GRM8: variants seen among roughly 807,000 people sequenced by gnomAD.
GRM8 encodes the protein metabotropic glutamate receptor 8.
In GRM8, 47 loss-of-function variants were observed where a neutral mutation model predicts 87.2. That is an observed-to-expected ratio of 0.54 (90% CI 0.43 to 0.69). The LOEUF (loss-of-function observed/expected upper bound fraction) is 0.69. Ranked by LOEUF, GRM8 falls within the 30% of genes least tolerant of loss-of-function variation. GRM8 has a pLI of 0.00. For synonymous variants in GRM8, 396 were observed against 404.5 expected, an observed-to-expected ratio of 0.98 and a Z score of 0.25; for missense variants, 1,019 against 1,139.2, an observed-to-expected ratio of 0.89 and a Z score of 1.52.
intron 3 of GRM8, among the ~76,000 whole-genome samples, chr7:126,947,819 A>C (rs1807709412): frequency 6.6e-6 from 1 of 152,190 alleles, no homozygotes; most frequent in South Asian, 2.1e-4. Context: ...AGCAAGCTGA[A>C]AAGTAGTTGC....
Position 126,866,580 on chromosome 7 carries a change from A to ATT in GRM8, c.1156+35960_1156+35961dup, listed in dbSNP as rs59013947. On this transcript the variant is annotated intron_variant, in intron 6 of 10. Transcript: ENST00000339582. ...CAAGTCTTGAATATACTTTGACTCA[A>ATT]TTTTTTTTTTTTTTTTTTTTTTTTT... is the stretch of plus-strand genomic sequence containing the variant. Among the ~76,000 whole-genome samples, 148 of 68,036 alleles carry ATT rather than the reference A, an allele frequency of 2.2e-3. 10 individuals are homozygous for ATT. The highest frequency in any genetic ancestry group is 6.0e-3 in the African/African-American group (92 of 15,378). The allele number at this position is 68,036 out of a possible 152,430, so 44.6% of individuals were successfully genotyped here. A position where few individuals can be genotyped will look rare whatever the true frequency, so the allele number is the denominator to read the frequency against.
At chr7:126,960,608 A>G (rs552979580) in intron 3 of GRM8, among the ~76,000 whole-genome samples, 6 of 152,342 alleles carry the variant, frequency 3.9e-5, no homozygotes, top group Non-Finnish European at 8.8e-5. Context: ...TTGGGCAGAC[A>G]TAAGAAAATA....
At chr7:127,121,011 G>GT (rs1368580725) in intron 2 of GRM8, among the ~76,000 whole-genome samples, 1 of 152,098 alleles carries the variant, frequency 6.6e-6, no homozygotes, top group Non-Finnish European at 1.5e-5. Context: ...TAACAGATGA[G>GT]TTTTTGAAAA....
intron 2 of GRM8, among the ~76,000 whole-genome samples, chr7:127,177,938 G>A (rs969790830): frequency 5.9e-5 from 9 of 152,158 alleles, no homozygotes; most frequent in Middle Eastern, 6.8e-3. Context: ...ACAATACAAC[G>A]CTCTTCAACA....
intron 3 of GRM8, among the ~76,000 whole-genome samples, chr7:127,100,013 T>C (rs935585160): frequency 6.6e-6 from 1 of 152,106 alleles, no homozygotes; most frequent in African/African-American, 2.4e-5. Context: ...ACTGGAGTGA[T>C]GCATCTACAA....
At chr7:126,898,647 A>G (rs1454149529) in intron 6 of GRM8, among the ~76,000 whole-genome samples, 5 of 152,260 alleles carry the variant, frequency 3.3e-5, no homozygotes, top group Non-Finnish European at 4.4e-5. Context: ...GACATGCCAC[A>G]GAATCTGGAT....
At chr7:126,456,537 A>AAAAAAAAAAAAAAAAAAAAAT (rs1803260341) in intron 9 of GRM8, among the ~76,000 whole-genome samples, 1 of 123,380 alleles carries the variant, frequency 8.1e-6, no homozygotes, top group Non-Finnish European at 1.9e-5. Context: ...AAAAAAAAAA[A>AAAAAAAAAAAAAAAAAAAAAT]AAAAAAAAAT....
At chr7:127,057,923 G>A (rs1174418672) in intron 3 of GRM8, among the ~76,000 whole-genome samples, 3 of 152,086 alleles carry the variant, frequency 2.0e-5, no homozygotes, top group African/African-American at 7.2e-5. Flanking sequence ...TTTCTAGAAG[G>A]AGCCATATAC....
At chr7:126,648,437 G>C (rs1334417923) in intron 7 of GRM8, among the ~76,000 whole-genome samples, 1 of 152,166 alleles carries the variant, frequency 6.6e-6, no homozygotes, top group African/African-American at 2.4e-5. Context: ...CAGAGTTGCT[G>C]TTCAAAAATA....
chr7:126,788,434 T>C (rs1820920759), intron 6 of GRM8, among the ~76,000 whole-genome samples: 1 of 13,378 alleles, frequency 7.5e-5, no homozygotes, highest in Non-Finnish European at 2.0e-4. Flanking sequence ...CCCTTTCAGA[T>C]ATCTTTAACA....
chr7:126,553,314 T>G (rs1179398490), intron 8 of GRM8, among the ~76,000 whole-genome samples: 2 of 152,200 alleles, frequency 1.3e-5, no homozygotes, highest in Non-Finnish European at 2.9e-5. Context: ...ACAGCTCTGG[T>G]GTACCATTGC....
At chr7:126,745,677 G>A (rs13224947) in intron 7 of GRM8, among the ~76,000 whole-genome samples, 59,023 of 151,314 alleles carry the variant, frequency 0.39, 12,729 homozygotes, top group Non-Finnish European at 0.48. Flanking sequence ...AATCACAGCT[G>A]TGAAGCTTCA....
chr7:126,524,062 G>A (rs1813456027), intron 9 of GRM8, among the ~76,000 whole-genome samples: 2 of 152,104 alleles, frequency 1.3e-5, no homozygotes, highest in East Asian at 1.9e-4. Context: ...TGCAGAAAAG[G>A]AGTAAGCATA....
intron 2 of GRM8, among the ~76,000 whole-genome samples, chr7:127,109,798 T>G (rs1826178947): frequency 6.6e-6 from 1 of 152,146 alleles, no homozygotes; most frequent in African/African-American, 2.4e-5. Context: ...TGCAGGAAAT[T>G]TAATACAGCT....
intron 7 of GRM8, among the ~76,000 whole-genome samples, chr7:126,743,683 G>A (rs559164440): frequency 2.0e-5 from 3 of 151,996 alleles, no homozygotes; most frequent in African/African-American, 7.2e-5. Flanking sequence ...AACAGTATAC[G>A]TTGTTTACAT....
Position 126,484,316 on chromosome 7 carries a change from C to T in GRM8, c.2431-37944G>A, listed in dbSNP as rs543466830. On this transcript the variant is annotated intron_variant, in intron 9 of 10. Transcript: ENST00000339582. ...CTGTGCAAACTCAGCCCACGTGGTA[C>T]GCAAATAGACCTACATTATGACTAA... Among the ~76,000 whole-genome samples, 44 of 151,978 alleles carry T rather than the reference C, an allele frequency of 2.9e-4. No individual in the cohort carries two copies. The South Asian group carries it at 3.5e-3, about 12-fold the overall frequency.
At chr7:126,583,797 G>A (rs960870458) in intron 8 of GRM8, among the ~76,000 whole-genome samples, 4 of 152,148 alleles carry the variant, frequency 2.6e-5, no homozygotes, top group African/African-American at 7.2e-5. Context: ...TCCTGCTGAC[G>A]ATTTGGTGAA....
chr7:126,921,699 G>A (rs915600816), intron 3 of GRM8, among the ~76,000 whole-genome samples: 2 of 152,058 alleles, frequency 1.3e-5, no homozygotes, highest in Non-Finnish European at 2.9e-5. Flanking sequence ...AGTTTTATTT[G>A]AAATGAAAAG....
intron 3 of GRM8, among the ~76,000 whole-genome samples, chr7:127,047,170 C>T (rs1401577206): frequency 6.6e-6 from 1 of 152,142 alleles, no homozygotes; most frequent in Non-Finnish European, 1.5e-5. Flanking sequence ...CAGCCACACC[C>T]ATCTGATAAC....
Sources: allele counts gnomAD v4.1 joint callset (sites outside exome capture counted in the v4.1 genomes callset), GRCh38; gene constraint gnomAD v4.1.1; transcripts MANE v1.5; gene names NCBI Gene and HGNC (gene_info 2026-07-23, HGNC 2026-07-21).